The following EPHB1 variants were observed in gnomAD, a reference collection of about 807,000 sequenced individuals.
The protein encoded by EPHB1 is ephrin type-B receptor 1.
A neutral mutation model predicts 94.4 loss-of-function variants in EPHB1; 30 were observed. The observed-to-expected ratio is 0.32, with a 90% confidence interval of 0.24 to 0.43. EPHB1 has a LOEUF of 0.43. EPHB1 is among the 20% of genes least tolerant of loss of function. The pLI, the probability that EPHB1 is intolerant of heterozygous loss-of-function variation, is 1.00. For synonymous variants in EPHB1, 522 were observed against 489.1 expected (o/e 1.07, Z -0.89); for missense variants, 1,055 against 1,308.3 (o/e 0.81, Z 2.99).
intron 3 of EPHB1, among the ~76,000 whole-genome samples, chr3:135,049,826 G>A (rs1937115791): frequency 6.6e-6 from 1 of 152,176 alleles, no homozygotes; most frequent in Admixed American, 6.5e-5. Flanking sequence ...TCCTGTCCAT[G>A]AGGAACGCAC....
chr3:135,145,306 GT>G (rs1940974578), intron 5 of EPHB1, among the ~76,000 whole-genome samples: 1 of 152,052 alleles, frequency 6.6e-6, no homozygotes, highest in Admixed American at 6.6e-5. Flanking sequence ...ACAAACTTTG[GT>G]TTTTTGATAT....
chr3:134,925,993 G>A, intron 2 of EPHB1, 113 bp downstream of exon 2: 1 of 870,366 alleles, frequency 1.1e-6, no homozygotes, highest in East Asian at 2.9e-5. Flanking sequence ...GAATACAGGT[G>A]TGAATGGCTG....
intron 12 of EPHB1, among the ~76,000 whole-genome samples, chr3:135,234,518 A>AGCAGCACCTCATTCTACT (rs1456630248): frequency 6.6e-6 from 1 of 152,174 alleles, no homozygotes; most frequent in Non-Finnish European, 1.5e-5. Flanking sequence ...CCACATTTTC[A>AGCAGCACCTCATTCTACT]GGTATCCTTA....
At chr3:134,964,274 C>T (rs1933643947) in intron 3 of EPHB1, among the ~76,000 whole-genome samples, 1 of 152,136 alleles carries the variant, frequency 6.6e-6, no homozygotes, top group African/African-American at 2.4e-5. Flanking sequence ...GATGGCAGAA[C>T]CAGATGGAGG....
intron 1 of EPHB1, among the ~76,000 whole-genome samples, chr3:134,840,926 C>A (rs1429714680): frequency 6.6e-6 from 1 of 152,196 alleles, no homozygotes; most frequent in Non-Finnish European, 1.5e-5. Flanking sequence ...ATTGGCTCAT[C>A]GCTGTTAACA....
At chr3:134,860,195 A>ACACACACACACACACACT (rs2037224032) in intron 1 of EPHB1, among the ~76,000 whole-genome samples, 1 of 150,470 alleles carries the variant, frequency 6.6e-6, no homozygotes, top group Non-Finnish European at 1.5e-5. Context: ...ACACACACAC[A>ACACACACACACACACACT]CTCTGGGAAA....
intron 1 of EPHB1, among the ~76,000 whole-genome samples, chr3:134,809,370 A>ATTT (rs11440776): frequency 4.7e-5 from 7 of 149,710 alleles, no homozygotes; most frequent in Non-Finnish European, 8.9e-5. Context: ...AAAAGAACAG[A>ATTT]TTTTTTTTTT....
At chr3:135,050,026 C>A (rs572001207) in intron 3 of EPHB1, among the ~76,000 whole-genome samples, 1 of 152,342 alleles carries the variant, frequency 6.6e-6, no homozygotes, top group East Asian at 1.9e-4. Context: ...TTTGTCTTCA[C>A]AGCCAAGGCA....
intron 1 of EPHB1, among the ~76,000 whole-genome samples, chr3:134,901,489 C>T (rs761780120): frequency 3.3e-5 from 5 of 152,218 alleles, no homozygotes; most frequent in Non-Finnish European, 7.3e-5. Flanking sequence ...CCTGGACATC[C>T]TGCAAACTGA....
intron 12 of EPHB1, among the ~76,000 whole-genome samples, chr3:135,215,423 A>G (rs746559155): frequency 6.6e-6 from 1 of 152,108 alleles, no homozygotes; most frequent in Non-Finnish European, 1.5e-5. Context: ...TTAGCCTCCC[A>G]AGCTGCTGGG....
intron 1 of EPHB1, among the ~76,000 whole-genome samples, chr3:134,808,589 A>G (rs1157431326): frequency 6.6e-6 from 1 of 152,194 alleles, no homozygotes; most frequent in Non-Finnish European, 1.5e-5. Context: ...GGTATGTCCA[A>G]TAAAGGAAAG....
intron 2 of EPHB1, among the ~76,000 whole-genome samples, chr3:134,948,474 TAGGCAAGCAGAAC>T (rs1288541859): frequency 6.8e-6 from 1 of 147,840 alleles, no homozygotes; most frequent in African/African-American, 2.5e-5. Flanking sequence ...AAAAAAAAAA[TAGGCAAGCAGAAC>T]GTAACTTTAA....
At chr3:134,899,015 G>A (rs1224665359) in intron 1 of EPHB1, among the ~76,000 whole-genome samples, 1 of 152,162 alleles carries the variant, frequency 6.6e-6, no homozygotes, top group East Asian at 1.9e-4. Flanking sequence ...AGGATGTCAT[G>A]TGTCAGTTCT....
chr3:135,082,083 C>T (rs1938184147), intron 3 of EPHB1, among the ~76,000 whole-genome samples: 1 of 151,998 alleles, frequency 6.6e-6, no homozygotes, highest in African/African-American at 2.4e-5. Context: ...CAGAGGCTTA[C>T]AGGAAATGTG....
intron 3 of EPHB1, among the ~76,000 whole-genome samples, chr3:135,059,497 G>T (rs921434322): frequency 6.6e-6 from 1 of 152,178 alleles, no homozygotes; most frequent in Non-Finnish European, 1.5e-5. Context: ...GGGAGAGGGG[G>T]AGGGAAAGGC....
intron 1 of EPHB1, among the ~76,000 whole-genome samples, chr3:134,911,366 T>A (rs2038449259): frequency 8.4e-6 from 1 of 118,460 alleles, no homozygotes; most frequent in Non-Finnish European, 1.6e-5. Context: ...GTGGGCTACA[T>A]CTTCCGGGGA....
chr3:135,112,587 T>G lies in EPHB1; in HGVS notation c.961+5984T>G, dbSNP rs971323358. ...CCAGTGTGTGATATTCCCCTTCCTGTGTCCATGTGTTCTCACTGTTCAATT... is the reference window on the plus strand; with the variant it reads ...CCAGTGTGTGATATTCCCCTTCCTGGGTCCATGTGTTCTCACTGTTCAATT... On this transcript the variant is annotated intron_variant, in intron 4 of 15. Coordinates refer to ENST00000398015, the MANE Select transcript of EPHB1 (RefSeq NM_004441.5). Among the ~76,000 whole-genome samples, 6 of 131,384 alleles carry G rather than the reference T, an allele frequency of 4.6e-5. No homozygotes were observed. In the East Asian group the frequency reaches 1.0e-3, roughly 23 times the overall value. The allele number at this position is 131,384 out of a possible 152,430, so 86.2% of individuals were successfully genotyped here. A position where few individuals can be genotyped will look rare whatever the true frequency, so the allele number is the denominator to read the frequency against.
At chr3:134,826,836 T>G (rs1235545439) in intron 1 of EPHB1, among the ~76,000 whole-genome samples, 2 of 152,222 alleles carry the variant, frequency 1.3e-5, no homozygotes, top group Non-Finnish European at 2.9e-5. Flanking sequence ...AGGTGACTTC[T>G]TATTCAGCAT....
chr3:135,235,783 G>A (rs28417295), intron 12 of EPHB1, among the ~76,000 whole-genome samples: 39,123 of 152,092 alleles, frequency 0.26, 5,279 homozygotes, highest in Non-Finnish European at 0.29. Flanking sequence ...TGATGGTAGA[G>A]TGAGGATAGA....
Sources: allele counts gnomAD v4.1 joint callset (sites outside exome capture counted in the v4.1 genomes callset), GRCh38; gene constraint gnomAD v4.1.1; transcripts MANE v1.5; gene names NCBI Gene and HGNC (gene_info 2026-07-23, HGNC 2026-07-21).